ANK3: variants seen among roughly 807,000 people sequenced by gnomAD.
ANK3 encodes ankyrin-3.
ANK3 carries 57 observed loss-of-function variants against 370.9 expected under a neutral mutation model. The ratio of observed to expected loss-of-function variants is 0.15; its 90% CI spans 0.12 to 0.19. The LOEUF (loss-of-function observed/expected upper bound fraction) is 0.19. ANK3 is among the 10% of genes least tolerant of loss of function. The pLI, the probability that ANK3 is intolerant of heterozygous loss-of-function variation, is 1.00. For missense variants in ANK3, 4,439 were observed against 5,302.1 expected (o/e 0.84, Z 5.06); for synonymous variants, 1,929 against 1,946.3 (o/e 0.99, Z 0.23).
chr10:60,356,934 C>G (rs746098391), intron 1 of ANK3, among the ~76,000 whole-genome samples: 8 of 152,174 alleles, frequency 5.3e-5, no homozygotes, highest in Non-Finnish European at 1.0e-4. Context: ...GTCTTGAACT[C>G]CTGTCCTCAA....
chr10:60,562,424 G>A (rs774692761), intron 2 of ANK3, among the ~76,000 whole-genome samples: 3 of 152,008 alleles, frequency 2.0e-5, no homozygotes, highest in South Asian at 4.2e-4. Flanking sequence ...GGGCATCCGT[G>A]GGGTAGGGGG....
chr10:60,547,704 G>C (rs2076999733), intron 2 of ANK3, among the ~76,000 whole-genome samples: 1 of 151,850 alleles, frequency 6.6e-6, no homozygotes, highest in African/African-American at 2.4e-5. Flanking sequence ...GAGACAGAGA[G>C]ACAGAGAGAA....
intron 1 of ANK3, among the ~76,000 whole-genome samples, chr10:60,316,109 G>A (rs559875231): frequency 1.3e-5 from 2 of 152,122 alleles, no homozygotes; most frequent in African/African-American, 4.8e-5. Context: ...TCTGTGGAGA[G>A]AGACAGGGAG....
chr10:60,232,807 T>C (rs1322748055), intron 8 of ANK3, among the ~76,000 whole-genome samples: 1 of 152,188 alleles, frequency 6.6e-6, no homozygotes, highest in South Asian at 2.1e-4. Context: ...CTCTGTCACC[T>C]GCTATGTCTG....
intron 1 of ANK3, among the ~76,000 whole-genome samples, chr10:60,702,883 T>G (rs181457877): frequency 6.6e-6 from 1 of 152,248 alleles, no homozygotes; most frequent in Admixed American, 6.5e-5. Context: ...AAAGAAGTCT[T>G]ACAAAAAAGT....
intron 4 of ANK3, among the ~76,000 whole-genome samples, chr10:60,275,849 CAG>C (rs2098083193): frequency 6.6e-6 from 1 of 152,086 alleles, no homozygotes; most frequent in Admixed American, 6.6e-5. Context: ...ATTATAAAGA[CAG>C]AGAAGGAGAG....
intron 1 of ANK3, among the ~76,000 whole-genome samples, chr10:60,384,964 C>G (rs142962942): frequency 1.3e-5 from 2 of 152,268 alleles, no homozygotes; most frequent in Non-Finnish European, 2.9e-5. Flanking sequence ...TCACACTCAG[C>G]ATTTCGTGCC....
At chr10:60,715,778 T>C (rs2079778186) in intron 1 of ANK3, among the ~76,000 whole-genome samples, 1 of 152,212 alleles carries the variant, frequency 6.6e-6, no homozygotes, top group African/African-American at 2.4e-5. Flanking sequence ...GTTCTACGAT[T>C]TTTTTTAATT....
chr10:60,528,001 G>T (rs1025596644), intron 2 of ANK3, among the ~76,000 whole-genome samples: 1 of 152,052 alleles, frequency 6.6e-6, no homozygotes, highest in African/African-American at 2.4e-5. Context: ...CAGATTAAAC[G>T]AAAGTCTAGA....
At chr10:60,592,090 G>A (rs980941306) in intron 2 of ANK3, among the ~76,000 whole-genome samples, 5 of 152,112 alleles carry the variant, frequency 3.3e-5, no homozygotes, top group African/African-American at 4.8e-5. Context: ...TAGTTTGTTT[G>A]TAACTCTAAG....
At chr10:60,331,909 A>C (rs533147705) in intron 1 of ANK3, among the ~76,000 whole-genome samples, 14 of 152,344 alleles carry the variant, frequency 9.2e-5, no homozygotes, top group Admixed American at 2.6e-4. Flanking sequence ...TTTTAAAGAT[A>C]AAATCAGAAA....
At chr10:60,625,113 C>T (rs574671422) in intron 1 of ANK3, among the ~76,000 whole-genome samples, 6 of 152,100 alleles carry the variant, frequency 3.9e-5, no homozygotes, top group Non-Finnish European at 8.8e-5. Context: ...GGCCCTGCTT[C>T]CTGCCTCTTG....
chr10:60,383,198 G>A (rs182992594), intron 1 of ANK3, among the ~76,000 whole-genome samples: 1 of 152,142 alleles, frequency 6.6e-6, no homozygotes, highest in Non-Finnish European at 1.5e-5. Context: ...TCAGTACATT[G>A]GCTAACACTA....
intron 18 of ANK3, among the ~76,000 whole-genome samples, chr10:60,176,196 CAAA>C (rs553748635): frequency 3.7e-5 from 5 of 136,432 alleles, no homozygotes; most frequent in East Asian, 2.1e-4. Flanking sequence ...AAAAAAAAAA[CAAA>C]AAAAAACAAA....
At chr10:60,181,179 T>C (rs936485442) in intron 18 of ANK3, 150 bp downstream of exon 18, 4 of 772,510 alleles carry the variant, frequency 5.2e-6, no homozygotes, top group Non-Finnish European at 8.4e-6. Context: ...CCGGAGACTT[T>C]AGTGTCCCTT....
chr10:60,226,025 CAT>C (rs2097133740), intron 8 of ANK3, among the ~76,000 whole-genome samples: 1 of 141,108 alleles, frequency 7.1e-6, no homozygotes, highest in Admixed American at 7.4e-5. Context: ...AATTGTATAT[CAT>C]ATATATTATA....
At chr10:60,393,248 G>A (rs2063149842), upstream of ANK3, among the ~76,000 whole-genome samples, 1 of 152,164 alleles carries the variant, frequency 6.6e-6, no homozygotes, top group African/African-American at 2.4e-5. Context: ...TCCTCCAGAA[G>A]GCAGCTTTGG....
intron 42 of ANK3, chr10:60,044,362 C>T: frequency 1.0e-6 from 1 of 979,496 alleles, no homozygotes; most frequent in Non-Finnish European, 1.2e-6. Flanking sequence ...AAGGATGTGG[C>T]ATAAAGATTA....
chr10:60,250,082 C>G (rs901353176), intron 7 of ANK3, among the ~76,000 whole-genome samples: 2 of 152,140 alleles, frequency 1.3e-5, no homozygotes, highest in African/African-American at 4.8e-5. Context: ...AAGGGGTTAT[C>G]AACACAAAAA....
Sources: gnomAD v4.1 joint callset for allele counts (sites outside exome capture counted in the v4.1 genomes callset) on GRCh38, gnomAD v4.1.1 for gene constraint, MANE v1.5 for transcripts, NCBI Gene and HGNC (gene_info 2026-07-23, HGNC 2026-07-21) for gene names.